Variants in MCF2L observed in about 807,000 individuals in gnomAD.
The protein encoded by MCF2L is MCF.2 cell line derived transforming sequence like, also known as guanine nucleotide exchange factor DBS.
A neutral mutation model predicts 153.4 loss-of-function variants in MCF2L; 97 were observed. The ratio of observed to expected loss-of-function variants is 0.63; its 90% CI spans 0.54 to 0.75. The LOEUF (loss-of-function observed/expected upper bound fraction) is 0.75. Ranked by LOEUF, MCF2L falls within the 30% of genes least tolerant of loss-of-function variation. The pLI is 0.00. For missense variants in MCF2L, 1,347 were observed against 1,495.2 expected, an observed-to-expected ratio of 0.90 and a Z score of 1.64; for synonymous variants, 659 against 632.2, an observed-to-expected ratio of 1.04 and a Z score of -0.64.
rs192704674 is a variant in MCF2L, at chr13:113,038,390, G to A, written c.279-6881G>A. On this transcript the variant is annotated intron_variant, in intron 3 of 29. Coordinates refer to ENST00000535094, the MANE Select transcript of MCF2L (RefSeq NM_001112732.3). ...TGAGGCAGGAGAATGGCCTGAACCC[G>A]GAAGGCGGAGCTTGCAGTGAGCTGA... Among the ~76,000 whole-genome samples the A allele has an allele frequency of 2.7e-3, 406 of 151,632 alleles. 2 individuals are homozygous for A. Among genetic ancestry groups the A allele is most frequent in the African/African-American group, 8.8e-3 (363 of 41,270 alleles).
At chr13:113,060,789 A>G in intron 5 of MCF2L, 77 bp downstream of exon 5, 1 of 1,571,570 alleles carries the variant, frequency 6.4e-7, no homozygotes. Context: ...GATCATCGAA[A>G]TCCTCGAGGA....
chr13:112,997,756 G>A (rs2083199639), intron 1 of MCF2L, among the ~76,000 whole-genome samples: 1 of 152,366 alleles, frequency 6.6e-6, no homozygotes, highest in Middle Eastern at 3.4e-3. Flanking sequence ...GGTGGGAAGC[G>A]ATGGGTCGAG....
intron 28 of MCF2L, 25 bp downstream of exon 28, chr13:113,096,508 A>C (rs932671422): frequency 6.3e-7 from 1 of 1,581,290 alleles, no homozygotes; most frequent in Non-Finnish European, 8.6e-7. Flanking sequence ...TCAGCCCCGG[A>C]CTGCCCCGCA....
chr13:112,908,271 C>G (rs946308424), intron 2 of MCF2L, among the ~76,000 whole-genome samples: 1 of 152,208 alleles, frequency 6.6e-6, no homozygotes, highest in African/African-American at 2.4e-5. Context: ...GGTGGACCAC[C>G]GCCCCAGCTT....
At chr13:113,096,025 A>G (rs1000595109) in intron 27 of MCF2L, 2 of 415,960 alleles carry the variant, frequency 4.8e-6, no homozygotes, top group Non-Finnish European at 8.6e-6. Flanking sequence ...GGAAGGCCTC[A>G]GCAAAGCAGC....
Position 112,917,912 on chromosome 13 carries a change from T to C in MCF2L, c.169+15541T>C, listed in dbSNP as rs1233593906. ...CCCCCCTGCTCCAGGCCGGCTTGCG[T>C]CCCCAGGTGAACTCAGTCCTTTCAG... On this transcript the variant is annotated intron_variant, in intron 2 of 29. Transcript: ENST00000375608. Among the ~76,000 whole-genome samples, 5 of 152,316 alleles carry C rather than the reference T, an allele frequency of 3.3e-5. No individual in the cohort carries two copies. The South Asian group carries it at 6.2e-4, about 19-fold the overall frequency.
At chr13:113,006,916 G>C (rs550378563) in intron 1 of MCF2L, among the ~76,000 whole-genome samples, 1 of 152,186 alleles carries the variant, frequency 6.6e-6, no homozygotes, top group Non-Finnish European at 1.5e-5. Flanking sequence ...ACTGTGTAGC[G>C]GGTAGGGCTG....
chr13:112,899,005 G>T (rs996100648), intron 1 of MCF2L, among the ~76,000 whole-genome samples: 1 of 152,112 alleles, frequency 6.6e-6, no homozygotes, highest in Non-Finnish European at 1.5e-5. Context: ...GTCTGCCCCC[G>T]CTTGGTGGTG....
At chr13:112,935,576 A>C (rs2081506839) in intron 2 of MCF2L, among the ~76,000 whole-genome samples, 1 of 152,110 alleles carries the variant, frequency 6.6e-6, no homozygotes, top group Non-Finnish European at 1.5e-5. Flanking sequence ...ATTTTAAGGT[A>C]GGCTTTCTGT....
At chr13:112,945,001 A>ATTTTTTT (rs10690779) in intron 2 of MCF2L, among the ~76,000 whole-genome samples, 2 of 139,360 alleles carry the variant, frequency 1.4e-5, no homozygotes, top group South Asian at 2.3e-4. Context: ...AGGCACCACT[A>ATTTTTTT]TTTTTTTTTT....
intron 2 of MCF2L, chr13:112,956,019 T>C (rs2081752511): frequency 6.6e-6 from 1 of 152,210 alleles, no homozygotes; most frequent in Admixed American, 6.5e-5. Context: ...GTCAGAGTAT[T>C]GATTTAGTTT....
rs150109084 is a variant in MCF2L at position 112,949,710 on chromosome 13, C to G, written c.169+47339C>G. Among the ~76,000 whole-genome samples the G allele has an allele frequency of 1.8e-3, 266 of 151,064 alleles. 1 individual carries two copies. Among genetic ancestry groups the G allele is most frequent in the African/African-American group, 6.1e-3 (250 of 41,132 alleles). On this transcript the variant is annotated intron_variant, in intron 2 of 29. Coordinates refer to the MCF2L transcript ENST00000375608. ...ATGATTAAAAAAAAAAACAACAAAA[C>G]TCTAGGACAGATAGGAGTAGAGGGG...
intron 4 of MCF2L, among the ~76,000 whole-genome samples, chr13:113,048,946 G>A (rs1420870033): frequency 1.3e-5 from 2 of 152,218 alleles, no homozygotes; most frequent in African/African-American, 4.8e-5. Context: ...GAGCCATGGG[G>A]AGGGGGCAGA....
chr13:113,043,089 T>C (rs1047131177), intron 3 of MCF2L: 1 of 152,244 alleles, frequency 6.6e-6, no homozygotes, highest in Non-Finnish European at 1.5e-5. Context: ...TCCTCATTTT[T>C]ACAGAAAAGG....
At chr13:113,017,929 T>G (rs2084636638) in intron 2 of MCF2L, among the ~76,000 whole-genome samples, 1 of 152,228 alleles carries the variant, frequency 6.6e-6, no homozygotes, top group Non-Finnish European at 1.5e-5. Flanking sequence ...AATTTTCCTT[T>G]TCAAGAGGAG....
intron 1 of MCF2L, chr13:113,001,853 T>A: frequency 6.5e-7 from 1 of 1,537,152 alleles, no homozygotes. Flanking sequence ...ATCCTTTGTG[T>A]GCCCGGGAAG....
In MCF2L at chr13:112,993,650, G is replaced by A. The variant is rs142649530; in HGVS notation, c.80-21113G>A. Among the ~76,000 whole-genome samples, 293 of 152,236 alleles carry A rather than the reference G, an allele frequency of 1.9e-3. No individual in the cohort carries two copies. The highest frequency in any genetic ancestry group is 6.9e-3 in the African/African-American group (286 of 41,536). ...TGGAGAGAGGGAGCGAGAAGTCATC[G>A]TCAATGGCCCCACGATGTCAGGCTT... On this transcript the variant is annotated intron_variant, in intron 1 of 29. Transcript: ENST00000535094. This position sits in a 1 kb window ranked among gnomAD's most constrained non-coding sequence, Gnocchi z 4.6.
chr13:112,987,907 C>T (rs971429009), intron 1 of MCF2L, among the ~76,000 whole-genome samples: 8 of 152,260 alleles, frequency 5.3e-5, no homozygotes, highest in African/African-American at 1.7e-4. Context: ...AGGGGACAGC[C>T]TCATCCAAGC....
chr13:113,086,317 G>A (rs922612625), intron 21 of MCF2L, 68 bp downstream of exon 21: 10 of 1,586,938 alleles, frequency 6.3e-6, no homozygotes, highest in Non-Finnish European at 8.5e-6. Context: ...CAACTTGGCG[G>A]CCTCCCTGCA....
Sources: gnomAD v4.1 joint callset for allele counts (sites outside exome capture counted in the v4.1 genomes callset) on GRCh38, gnomAD v4.1.1 for gene constraint, Gnocchi (gnomAD v3.1) non-coding constraint, MANE v1.5 for transcripts, NCBI Gene and HGNC (gene_info 2026-07-23, HGNC 2026-07-21) for gene names.